Variants in FCGR1A observed in about 807,000 individuals in gnomAD.
The protein encoded by FCGR1A is high affinity immunoglobulin gamma Fc receptor I.
A neutral mutation model predicts 35.0 loss-of-function variants in FCGR1A; 13 were observed. That is an observed-to-expected ratio of 0.37 (90% CI 0.24 to 0.59). The LOEUF (loss-of-function observed/expected upper bound fraction) is 0.59. Ranked by LOEUF, FCGR1A falls within the 20% of genes least tolerant of loss-of-function variation. The probability of loss-of-function intolerance (pLI) is 0.71; values close to 1 mark genes in which losing one functional copy is unlikely to be tolerated. For synonymous variants in FCGR1A, 91 were observed against 164.7 expected, an observed-to-expected ratio of 0.55 and a Z score of 3.43; for missense variants, 227 against 430.0, an observed-to-expected ratio of 0.53 and a Z score of 4.17.
chr1:149,793,858 C>A (rs1188251490), downstream of FCGR1A: 6 of 1,272,580 alleles, frequency 4.7e-6, no homozygotes, highest in Admixed American at 1.2e-4. Flanking sequence ...CCAAAGCAGA[C>A]CAACCGGTTT....
chr1:149,785,408 G>GTTTTT (rs10670379), intron 3 of FCGR1A, among the ~76,000 whole-genome samples: 3 of 67,636 alleles, frequency 4.4e-5, no homozygotes, highest in Admixed American at 1.7e-4. Context: ...GAGCTGTTTC[G>GTTTTT]TTTTTTTTTT....
At chr1:149,800,111 G>T in the FCGR1A span, among the ~76,000 whole-genome samples, 1 of 151,952 alleles carries the variant, frequency 6.6e-6, no homozygotes, top group East Asian at 1.9e-4. Context: ...GTATTAATTT[G>T]CTAGAGCAGT....
At chr1:149,792,996 C>T, downstream of FCGR1A, 5 of 1,274,872 alleles carry the variant, frequency 3.9e-6, no homozygotes, top group Non-Finnish European at 4.1e-6. Context: ...TCCCCAGGCG[C>T]GTAGCTGAGT....
At chr1:149,789,122 C>T (rs587635550) in intron 4 of FCGR1A, among the ~76,000 whole-genome samples, 8,260 of 151,304 alleles carry the variant, frequency 0.055, 667 homozygotes, top group African/African-American at 0.18. Context: ...GACCCTTTCA[C>T]GGCCTTTCCT....
chr1:149,785,592 A>G (rs1296237313), intron 3 of FCGR1A: 2 of 151,692 alleles, frequency 1.3e-5, no homozygotes, highest in African/African-American at 4.8e-5. Flanking sequence ...GGCTGGGAAG[A>G]GTCCATTTTC....
Position 149,784,005 on chromosome 1 carries a change from A to G in FCGR1A, c.55A>G (p.Thr19Ala), listed in dbSNP as rs138447715. The change falls in exon 3 of 6, where the codon ACC becomes GCC. Residue 19 changes from threonine (T) to alanine (A), a missense_variant and splice_region_variant. This residue lies in a region of FCGR1A where 3 missense variants were observed against 22.1 expected (regional missense o/e 0.14). Coordinates refer to ENST00000369168, the MANE Select transcript of FCGR1A (RefSeq NM_000566.4). Reference sequence around the variant, plus strand: ...TTCTTCTTGTAATCTCCAAGTAGACACCACAAAGGCAGTGATCACTTTGCA... The same window carrying G: ...TTCTTCTTGTAATCTCCAAGTAGACGCCACAAAGGCAGTGATCACTTTGCA... ...LWVPVDGQVD[T>A]TKAVITLQPP... The G allele has an allele frequency of 4.8e-3, 7,635 of 1,603,628 alleles. 291 individuals carry two copies. In the African/African-American group the frequency reaches 0.091, roughly 19 times the overall value.
the FCGR1A span, among the ~76,000 whole-genome samples, chr1:149,797,415 T>G: frequency 6.6e-6 from 1 of 152,144 alleles, no homozygotes; most frequent in African/African-American, 2.4e-5. Flanking sequence ...CTAGTATTAC[T>G]TATGTGCTTT....
At chr1:149,795,735 CTTTTG>C (rs1408624710), downstream of FCGR1A, among the ~76,000 whole-genome samples, 1 of 147,742 alleles carries the variant, frequency 6.8e-6, no homozygotes, top group Non-Finnish European at 1.5e-5. Context: ...TGATTAACTG[CTTTTG>C]TTTTGTGTCT....
downstream of FCGR1A, among the ~76,000 whole-genome samples, chr1:149,796,261 T>A (rs1438179448): frequency 1.3e-5 from 2 of 152,174 alleles, no homozygotes; most frequent in African/African-American, 4.8e-5. Context: ...AGGGAGCATA[T>A]GTGAAAGTAA....
At position 149,788,478 on chromosome 1, in the gene FCGR1A, T is replaced by C. The variant is rs2091610758; in HGVS notation, c.420T>C (p.Asn140=). 6.2e-7 allele frequency: 1 copy of C among 1,613,782 alleles called. No homozygotes were observed. Among genetic ancestry groups the C allele is most frequent in the Non-Finnish European group, 8.5e-7 (1 of 1,179,772 alleles). The change falls in exon 4 of 6, where the codon AAT becomes AAC. Residue 140 remains asparagine (N), a synonymous_variant. Coordinates refer to ENST00000369168, the MANE Select transcript of FCGR1A (RefSeq NM_000566.4). ...TGTACAATGTGCTTTACTATCGAAA[T>C]GGCAAAGCCTTTAAGTTTTTCCACT... ...KLVYNVLYYR[N]GKAFKFFHWN...
At chr1:149,787,445 G>A (rs1337689822) in intron 3 of FCGR1A, 1 of 152,250 alleles carries the variant, frequency 6.6e-6, no homozygotes, top group African/African-American at 2.4e-5. Flanking sequence ...TGTTTTGCTA[G>A]TGATATCATT....
chr1:149,796,292 G>C (rs1172395750), downstream of FCGR1A, among the ~76,000 whole-genome samples: 4 of 152,162 alleles, frequency 2.6e-5, no homozygotes, highest in African/African-American at 9.7e-5. Context: ...GACATAATAT[G>C]GGAGTTAATG....
At chr1:149,783,972 T>C (rs1196982029) in intron 2 of FCGR1A, 31 bp from the exon 3 acceptor site, 1 of 1,580,498 alleles carries the variant, frequency 6.3e-7, no homozygotes, top group East Asian at 2.3e-5. Context: ...CACTTGATCT[T>C]TTTCTTTTTC....
intron 3 of FCGR1A, chr1:149,786,401 GT>G (rs2091550916): frequency 6.6e-6 from 1 of 152,012 alleles, no homozygotes; most frequent in South Asian, 2.1e-4. Flanking sequence ...TAATATTAAA[GT>G]TTTGTTTGTT....
At chr1:149,792,624 C>G (rs587631127), downstream of FCGR1A, 1 of 1,250,058 alleles carries the variant, frequency 8.0e-7, no homozygotes, top group Non-Finnish European at 1.0e-6. Context: ...ACACTGTGGC[C>G]GCATGTGCAT....
At chr1:149,784,927 T>C (rs587698142) in intron 3 of FCGR1A, among the ~76,000 whole-genome samples, 1 of 152,030 alleles carries the variant, frequency 6.6e-6, no homozygotes, top group African/African-American at 2.4e-5. Flanking sequence ...CTCTTTTGAT[T>C]TTACAAGCAT....
intron 3 of FCGR1A, among the ~76,000 whole-genome samples, chr1:149,785,411 T>C (rs1200972368): frequency 0.013 from 1,619 of 127,230 alleles, 102 homozygotes; most frequent in African/African-American, 0.044. Flanking sequence ...CTGTTTCGTT[T>C]TTTTTTTTTT....
chr1:149,790,255 A>T lies in FCGR1A; in HGVS notation c.761A>T (p.Asp254Val). 1 of 1,603,666 alleles carries T rather than the reference A, an allele frequency of 6.2e-7. No individual in the cohort carries two copies. Among genetic ancestry groups the T allele is most frequent in the Non-Finnish European group, 8.5e-7 (1 of 1,175,106 alleles). Reference protein sequence around the residue: ...EYQILTARREDSGLYWCEAAT... With the variant: ...EYQILTARREVSGLYWCEAAT... ...CAAATACTAACTGCTAGAAGAGAAG[A>T]CTCTGGGTTATACTGGTGCGAGGCT... Residue 254 changes from aspartate to valine, a missense_variant, in exon 5 of 6, where the codon GAC becomes GTC. Asp to Val is a radical substitution (Grantham distance 152). Around this residue, in one of 3 missense-constraint regions of FCGR1A, gnomAD observed 185 missense variants for 306.6 expected, o/e 0.60. Coordinates refer to ENST00000369168, the MANE Select transcript of FCGR1A (RefSeq NM_000566.4).
the FCGR1A span, among the ~76,000 whole-genome samples, chr1:149,798,618 T>TAAA: frequency 2.1e-3 from 299 of 139,658 alleles, 2 homozygotes; most frequent in African/African-American, 4.7e-3. Context: ...AAACCGACTT[T>TAAA]AAAAAAAAAA....
Sources: gnomAD v4.1 joint callset for allele counts (sites outside exome capture counted in the v4.1 genomes callset) on GRCh38, gnomAD v4.1.1 for gene constraint, gnomAD v4.1.1 regional missense constraint, MANE v1.5 for transcripts, NCBI Gene and HGNC (gene_info 2026-07-23, HGNC 2026-07-21) for gene names.